COL24A1: variants seen among roughly 807,000 people sequenced by gnomAD.
The protein encoded by COL24A1 is collagen alpha-1(XXIV) chain.
Under a neutral mutation model 253.9 loss-of-function variants are expected in COL24A1, and 224 were observed. That is an observed-to-expected ratio of 0.88 (90% confidence interval 0.79 to 0.99). The LOEUF (loss-of-function observed/expected upper bound fraction) is 0.99. Among genes scored for constraint, COL24A1 ranks in the 50% least tolerant of loss-of-function variants. The probability of loss-of-function intolerance (pLI) is 0.00; values close to 1 mark genes in which losing one functional copy is unlikely to be tolerated. For missense variants in COL24A1, 2,131 were observed against 2,068.5 expected, an observed-to-expected ratio of 1.03 and a Z score of -0.59; for synonymous variants, 685 against 673.7, an observed-to-expected ratio of 1.02 and a Z score of -0.26.
At chr1:85,944,853 G>GT in intron 24 of COL24A1, among the ~76,000 whole-genome samples, 1 of 151,216 alleles carries the variant, frequency 6.6e-6, no homozygotes, top group Non-Finnish European at 1.5e-5. Flanking sequence ...GCAGTGTTTG[G>GT]TTTTTTGTTC....
At chr1:85,926,790 C>A (rs1039134142) in intron 24 of COL24A1, among the ~76,000 whole-genome samples, 3 of 151,846 alleles carry the variant, frequency 2.0e-5, no homozygotes, top group Non-Finnish European at 4.4e-5. Flanking sequence ...ACGTTGTGCA[C>A]ATGTACCCTA....
intron 28 of COL24A1, among the ~76,000 whole-genome samples, chr1:85,900,212 A>G (rs959335469): frequency 1.3e-5 from 2 of 152,190 alleles, no homozygotes; most frequent in Non-Finnish European, 2.9e-5. Context: ...CCCTATCAAA[A>G]TACCAATGTC....
At chr1:85,742,787 A>AT (rs1210543417) in intron 57 of COL24A1, among the ~76,000 whole-genome samples, 3 of 152,128 alleles carry the variant, frequency 2.0e-5, no homozygotes, top group African/African-American at 2.4e-5. Flanking sequence ...TGCTGGCTCT[A>AT]CCTTAACCCA....
chr1:85,908,529 A>G (rs1444379081), intron 27 of COL24A1, 69 bp downstream of exon 27: 2 of 879,846 alleles, frequency 2.3e-6, no homozygotes, highest in East Asian at 2.9e-5. Flanking sequence ...ACAATAAAGC[A>G]TAACAATTTA....
At chr1:86,123,158 T>A (rs1373056035) in intron 3 of COL24A1, among the ~76,000 whole-genome samples, 1 of 151,938 alleles carries the variant, frequency 6.6e-6, no homozygotes, top group East Asian at 1.9e-4. Flanking sequence ...TAGAGCATCT[T>A]TCTCAAGGAA....
In COL24A1 at chr1:85,961,289, T is replaced by C; in HGVS notation, c.2522A>G (p.Glu841Gly). The C allele has an allele frequency of 6.2e-7, 1 of 1,602,390 alleles. No homozygotes were observed. Among genetic ancestry groups the C allele is most frequent in the Admixed American group, 1.7e-5 (1 of 59,554 alleles). Residue 841 changes from glutamate to glycine, a missense_variant, in exon 24 of 60, where the codon GAA (glutamate) becomes GGA (glycine). Coordinates refer to ENST00000370571, the MANE Select transcript of COL24A1 (RefSeq NM_152890.7). ...TCCAATATTTCCTTGATCTCCTACT[T>C]CTCCCTGTCAAAAAAGAATATAAAG... is the stretch of plus-strand genomic sequence containing the variant. Reference protein sequence around the residue: ...GEPGPEGLKGEVGDQGNIGKI... With the variant: ...GEPGPEGLKGGVGDQGNIGKI...
chr1:86,029,163 A>G (rs1698316660), intron 14 of COL24A1, among the ~76,000 whole-genome samples: 1 of 149,704 alleles, frequency 6.7e-6, no homozygotes. Flanking sequence ...AAAAAAAAAC[A>G]TCACACAGAG....
At chr1:85,838,778 A>G in intron 42 of COL24A1, 140 bp from the exon 43 acceptor site, 1 of 601,326 alleles carries the variant, frequency 1.7e-6, no homozygotes, top group Non-Finnish European at 2.8e-6. Flanking sequence ...CCATTAAATA[A>G]TTTCAAAATA....
intron 3 of COL24A1, among the ~76,000 whole-genome samples, chr1:86,117,563 T>C (rs1706274645): frequency 6.6e-6 from 1 of 152,210 alleles, no homozygotes; most frequent in Non-Finnish European, 1.5e-5. Flanking sequence ...AGAGGTATAG[T>C]TTATGTCATG....
At chr1:85,988,839 A>C (rs1308053098) in intron 19 of COL24A1, among the ~76,000 whole-genome samples, 1 of 152,156 alleles carries the variant, frequency 6.6e-6, no homozygotes, top group African/African-American at 2.4e-5. Flanking sequence ...CTCAGATTTA[A>C]AGCTTGGATT....
intron 47 of COL24A1, among the ~76,000 whole-genome samples, chr1:85,802,667 C>T (rs1671558866): frequency 1.3e-5 from 2 of 152,148 alleles, no homozygotes; most frequent in Admixed American, 6.5e-5. Flanking sequence ...ACCATCACCA[C>T]TATCAAGATA....
intron 1 of COL24A1, 67 bp downstream of exon 1, chr1:86,156,274 G>T: frequency 6.7e-7 from 1 of 1,484,266 alleles, no homozygotes; most frequent in Non-Finnish European, 9.2e-7. Flanking sequence ...ATCAGGCTCA[G>T]CAGAACCAGG....
intron 57 of COL24A1, among the ~76,000 whole-genome samples, chr1:85,740,953 CAAA>C (rs774839476): frequency 8.4e-5 from 7 of 83,034 alleles, no homozygotes; most frequent in African/African-American, 2.7e-4. Context: ...TCTAAAAATA[CAAA>C]AAAAAAAAAA....
chr1:85,911,302 A>G (rs1023343296), intron 25 of COL24A1, 78 bp downstream of exon 25: 6 of 1,104,806 alleles, frequency 5.4e-6, no homozygotes, highest in Non-Finnish European at 8.2e-6. Context: ...AATTAACATA[A>G]AAGATCATAT....
chr1:85,872,896 C>T (rs948587209), intron 35 of COL24A1, among the ~76,000 whole-genome samples: 29 of 152,176 alleles, frequency 1.9e-4, no homozygotes, highest in Admixed American at 1.7e-3. Flanking sequence ...TCAGAGTGAA[C>T]AGGCAACCTA....
In COL24A1 at chr1:86,005,107, A is replaced by G. The variant is rs941092012; in HGVS notation, c.2310+12044T>C. 2.0e-5 allele frequency among the ~76,000 whole-genome samples: 3 copies of G among 152,270 alleles called. No homozygotes were observed. The East Asian group carries it at 5.8e-4, about 29-fold the overall frequency. On this transcript the variant is annotated intron_variant, in intron 19 of 59. Coordinates refer to ENST00000370571, the MANE Select transcript of COL24A1 (RefSeq NM_152890.7). ...AAAATGGACAGTGAAAGAGTGAGAA[A>G]AGTACCAGTTGTGGCTCTGAGAACA...
chr1:85,792,565 G>GTATTGTGCTCACAATAC (rs1670397305), intron 47 of COL24A1, among the ~76,000 whole-genome samples: 1 of 150,798 alleles, frequency 6.6e-6, no homozygotes, highest in Admixed American at 6.6e-5. Context: ...AGTTACCAGG[G>GTATTGTGCTCACAATAC]CATGGTATTG....
intron 53 of COL24A1, among the ~76,000 whole-genome samples, chr1:85,775,198 A>G (rs1055469958): frequency 6.6e-6 from 1 of 151,860 alleles, no homozygotes; most frequent in Non-Finnish European, 1.5e-5. Context: ...AGATTCTTAA[A>G]CCTGAGTTCT....
At chr1:85,992,614 G>A (rs4350224) in intron 19 of COL24A1, among the ~76,000 whole-genome samples, 70,957 of 151,812 alleles carry the variant, frequency 0.47, 16,966 homozygotes, top group East Asian at 0.61. Flanking sequence ...TAAAAAGTAC[G>A]TCATTAGAGT....
Sources: allele counts gnomAD v4.1 joint callset (sites outside exome capture counted in the v4.1 genomes callset), GRCh38; gene constraint gnomAD v4.1.1; transcripts MANE v1.5; gene names NCBI Gene and HGNC (gene_info 2026-07-23, HGNC 2026-07-21).